Variants in SH3RF3 observed in about 807,000 individuals in gnomAD.
SH3RF3 encodes the protein SH3 domain containing ring finger 3, also known as E3 ubiquitin-protein ligase SH3RF3.
A neutral mutation model predicts 66.3 loss-of-function variants in SH3RF3; 29 were observed. That is an observed-to-expected ratio of 0.44 (90% CI 0.33 to 0.60). The LOEUF is 0.60. Ranked by LOEUF, SH3RF3 falls within the 20% of genes least tolerant of loss-of-function variation. The pLI is 0.04. For missense variants in SH3RF3, 1,194 were observed against 1,190.9 expected, an observed-to-expected ratio of 1.00 and a Z score of -0.04; for synonymous variants, 583 against 532.0, an observed-to-expected ratio of 1.10 and a Z score of -1.32.
chr2:109,429,719 GA>G, intron 5 of SH3RF3, among the ~76,000 whole-genome samples: 1 of 152,314 alleles, frequency 6.6e-6, no homozygotes, highest in Non-Finnish European at 1.5e-5. Context: ...ACCATGGACA[GA>G]AGCTCCATCC....
At chr2:109,281,069 C>T (rs973864194) in intron 1 of SH3RF3, among the ~76,000 whole-genome samples, 1 of 152,158 alleles carries the variant, frequency 6.6e-6, no homozygotes, top group African/African-American at 2.4e-5. Context: ...CATGACAGGG[C>T]CAGAGAGAGA....
intron 1 of SH3RF3, among the ~76,000 whole-genome samples, chr2:109,239,290 A>G (rs964468892): frequency 6.6e-6 from 1 of 152,170 alleles, no homozygotes; most frequent in Admixed American, 6.5e-5. Flanking sequence ...GGGTCTCTGT[A>G]TGGAAGCTTT....
At chr2:109,438,979 G>A (rs997679454) in intron 7 of SH3RF3, among the ~76,000 whole-genome samples, 41 of 152,290 alleles carry the variant, frequency 2.7e-4, no homozygotes, top group African/African-American at 9.4e-4. Flanking sequence ...CACTCATCAC[G>A]GTGAGTCAGC....
At chr2:109,183,394 G>A (rs1006465129) in intron 1 of SH3RF3, among the ~76,000 whole-genome samples, 1 of 152,144 alleles carries the variant, frequency 6.6e-6, no homozygotes, top group Non-Finnish European at 1.5e-5. Flanking sequence ...CTTGCTGCTG[G>A]GTGATTTTGG....
chr2:109,501,813 G>T lies in SH3RF3; in HGVS notation c.*142G>T. ...GCGGGGGATACCCTGGCCCAGGGTGGGGGCCAGGGACTGTGGAGGTCGTGC... is the reference window on the plus strand; with the variant it reads ...GCGGGGGATACCCTGGCCCAGGGTGTGGGCCAGGGACTGTGGAGGTCGTGC... On this transcript the variant is annotated 3_prime_UTR_variant, in exon 10 of 10. Coordinates refer to ENST00000309415, the MANE Select transcript of SH3RF3 (RefSeq NM_001099289.3). 1 of 608,798 alleles carries T rather than the reference G, an allele frequency of 1.6e-6. No individual in the cohort carries two copies. 37.7% of individuals were successfully genotyped at this position (608,798 alleles called of 1,614,324 possible).
chr2:109,199,622 T>TC (rs1558954001), intron 1 of SH3RF3, among the ~76,000 whole-genome samples: 6 of 132 alleles, frequency 0.045, 2 homozygotes, highest in South Asian at 0.5. Flanking sequence ...TGGAATGGAA[T>TC]GGAATGGAAT....
chr2:109,428,653 A>G (rs1677104589), intron 5 of SH3RF3, among the ~76,000 whole-genome samples: 1 of 152,238 alleles, frequency 6.6e-6, no homozygotes. Context: ...GGTGGTGGTG[A>G]GGAAGGCTCT....
chr2:109,243,019 G>A (rs756727650), intron 1 of SH3RF3, among the ~76,000 whole-genome samples: 11 of 152,224 alleles, frequency 7.2e-5, no homozygotes, highest in Non-Finnish European at 1.6e-4. Flanking sequence ...AGACTATTAA[G>A]GAAATTGAAT....
chr2:109,163,509 C>T lies in SH3RF3; in HGVS notation c.573+33396C>T, dbSNP rs1254043523. Among the ~76,000 whole-genome samples the T allele has an allele frequency of 2.1e-5, 3 of 145,086 alleles. No homozygotes were observed. In the East Asian group the frequency reaches 6.2e-4, roughly 30 times the overall value. On this transcript the variant is annotated intron_variant, in intron 1 of 9. Transcript: ENST00000309415. ...CGCCTCCCGGGTTCACGCCATTCTC[C>T]TGCCTCAGCCTCCCAAGTAGCTGGG...
chr2:109,477,723 G>A (rs1374319617), intron 8 of SH3RF3, among the ~76,000 whole-genome samples: 4 of 152,026 alleles, frequency 2.6e-5, no homozygotes, highest in Non-Finnish European at 4.4e-5. Context: ...CCACAGATTC[G>A]GTGTCTGGTG....
intron 5 of SH3RF3, 29 bp downstream of exon 5, chr2:109,419,671 C>T (rs1676821135): frequency 6.5e-7 from 1 of 1,545,716 alleles, no homozygotes; most frequent in African/African-American, 1.4e-5. Context: ...CTGTCGGGGT[C>T]CTGTGCCTGC....
At chr2:109,138,532 A>G (rs1420260539) in intron 1 of SH3RF3, among the ~76,000 whole-genome samples, 1 of 152,170 alleles carries the variant, frequency 6.6e-6, no homozygotes, top group African/African-American at 2.4e-5. Context: ...AATATTCTGG[A>G]CTTCATGTAT....
intron 1 of SH3RF3, among the ~76,000 whole-genome samples, chr2:109,182,144 G>A (rs4676257): frequency 0.86 from 130,883 of 152,242 alleles, 56,391 homozygotes; most frequent in African/African-American, 0.91. Context: ...TGCTGCTATA[G>A]AAGAATACCA....
intron 9 of SH3RF3, 87 bp downstream of exon 9, chr2:109,491,023 G>C: frequency 1.6e-6 from 2 of 1,270,460 alleles, no homozygotes; most frequent in Non-Finnish European, 2.1e-6. Flanking sequence ...GGGACACTGT[G>C]GCCTTGCTGG....
At chr2:109,468,855 GAAAAAAAAAA>G (rs397940375) in intron 8 of SH3RF3, among the ~76,000 whole-genome samples, 6 of 64,866 alleles carry the variant, frequency 9.2e-5, no homozygotes, top group African/African-American at 2.7e-4. Flanking sequence ...CTCTGTCTCA[GAAAAAAAAAA>G]AAAAAAAAAA....
intron 1 of SH3RF3, among the ~76,000 whole-genome samples, chr2:109,146,237 G>C (rs1178702143): frequency 6.6e-6 from 1 of 152,132 alleles, no homozygotes; most frequent in Non-Finnish European, 1.5e-5. Context: ...CTTAGTTCTG[G>C]CTGCTCTTAT....
At chr2:109,380,215 C>T (rs1559052283) in intron 3 of SH3RF3, among the ~76,000 whole-genome samples, 1 of 152,144 alleles carries the variant, frequency 6.6e-6, no homozygotes, top group Non-Finnish European at 1.5e-5. Flanking sequence ...GCCCTGATTT[C>T]TCTCTTCTTA....
chr2:109,422,587 C>T (rs779689187), intron 5 of SH3RF3, among the ~76,000 whole-genome samples: 2 of 136,292 alleles, frequency 1.5e-5, no homozygotes, highest in African/African-American at 5.4e-5. Context: ...CATTCCTGCA[C>T]CCCCTTTCCA....
chr2:109,399,050 G>C (rs1425229793), intron 4 of SH3RF3, 107 bp downstream of exon 4: 1 of 1,267,608 alleles, frequency 7.9e-7, no homozygotes, highest in Non-Finnish European at 1.1e-6. Flanking sequence ...GGCCGCCCCA[G>C]AACTGCCTTT....
Sources: gnomAD v4.1 joint callset for allele counts (sites outside exome capture counted in the v4.1 genomes callset) on GRCh38, gnomAD v4.1.1 for gene constraint, MANE v1.5 for transcripts, NCBI Gene and HGNC (gene_info 2026-07-23, HGNC 2026-07-21) for gene names.